The following HK1 variants were observed in gnomAD, a reference collection of about 807,000 sequenced individuals.
HK1 encodes hexokinase 1.
A neutral mutation model predicts 91.6 loss-of-function variants in HK1; 28 were observed. The ratio of observed to expected loss-of-function variants is 0.31; its 90% CI spans 0.23 to 0.42. HK1 has a LOEUF of 0.42. Among genes scored for constraint, HK1 ranks in the 10% least tolerant of loss-of-function variants. HK1 has a pLI of 1.00. For missense variants in HK1, 770 were observed against 1,219.8 expected (o/e 0.63, Z 5.49); for synonymous variants, 430 against 468.1 (o/e 0.92, Z 1.05).
At chr10:69,361,935 A>C (rs1482530236) in intron 3 of HK1, among the ~76,000 whole-genome samples, 1 of 152,068 alleles carries the variant, frequency 6.6e-6, no homozygotes, top group Non-Finnish European at 1.5e-5. Flanking sequence ...CTCCTGCCTC[A>C]GCCTCCCAAA....
rs1845701649 is a variant in HK1, at chr10:69,298,776, C to T, written c.-66-1993C>T. Among the ~76,000 whole-genome samples the T allele has an allele frequency of 3.3e-5, 5 of 151,776 alleles. 1 individual carries two copies. In the South Asian group the frequency reaches 1.0e-3, roughly 31 times the overall value. On this transcript the variant is annotated intron_variant, in intron 4 of 21. Transcript: ENST00000360289. ...GATAAAGATCTTATTAGATATAATG[C>T]CAAGTCAGTCAAAAAATTAAAAATT...
In HK1 at chr10:69,276,118, A is replaced by AAAATATATATATATAT; in HGVS notation, c.-391+6011_-391+6012insAATATATATATATATA. The stretch of plus-strand genomic sequence containing the variant: ...AAAAAAAAAAAAAAAAAAAAAAAAA[A>AAAATATATATATATAT]ATACATATATATATATATATACACA... On this transcript the variant is annotated intron_variant, in intron 1 of 21. Transcript: ENST00000360289. Among the ~76,000 whole-genome samples, 224 of 38,240 alleles carry AAAATATATATATATAT rather than the reference A, an allele frequency of 5.9e-3. 38 individuals are homozygous for AAAATATATATATATAT. The highest frequency in any genetic ancestry group is 0.011 in the South Asian group (7 of 644). The allele number at this position is 38,240 out of a possible 152,430, so 25.1% of individuals were successfully genotyped here. A position where few individuals can be genotyped will look rare whatever the true frequency, so the allele number is the denominator to read the frequency against.
intron 3 of HK1, among the ~76,000 whole-genome samples, chr10:69,293,804 T>C (rs1845406496): frequency 6.6e-6 from 1 of 151,502 alleles, no homozygotes; most frequent in African/African-American, 2.4e-5. Context: ...GTTGCAAGGG[T>C]TCCAAGAGCA....
At chr10:69,370,528 G>A (rs756703099) in intron 7 of HK1, among the ~76,000 whole-genome samples, 8 of 152,166 alleles carry the variant, frequency 5.3e-5, no homozygotes, top group Non-Finnish European at 8.8e-5. Context: ...AGGGAGATGA[G>A]TGTCCATTCA....
exon 4 of HK1, chr10:69,295,676 G>A (rs375127199): frequency 6.1e-5 from 98 of 1,595,974 alleles, no homozygotes; most frequent in Non-Finnish European, 7.1e-5. Flanking sequence ...CTTGCTGAAA[G>A]TGAGGTAAGA....
intron 1 of HK1, among the ~76,000 whole-genome samples, chr10:69,328,458 T>C (rs1351874092): frequency 2.6e-5 from 4 of 152,188 alleles, no homozygotes; most frequent in Non-Finnish European, 5.9e-5. Context: ...CCAACATTCA[T>C]TGTTGTATTC....
chr10:69,401,248 CGG>C lies in HK1; in HGVS notation c.*116_*117del, dbSNP rs2132987872. 7.6e-7 allele frequency: 1 copy of C among 1,315,688 alleles called. No individual in the cohort carries two copies. The highest frequency in any genetic ancestry group is 2.5e-5 in the East Asian group (1 of 40,046). 81.5% of individuals were successfully genotyped at this position (1,315,688 alleles called of 1,614,324 possible). On this transcript the variant is annotated 3_prime_UTR_variant, in exon 18 of 18. Coordinates refer to ENST00000359426, the MANE Select transcript of HK1 (RefSeq NM_000188.3). ...ACGCTGGCGCCAGGGCCTGCCGGCG[CGG>C]GGAGGAAAGCAAAATCCAACTAATG...
intron 2 of HK1, among the ~76,000 whole-genome samples, chr10:69,353,862 C>T (rs1251227492): frequency 2.0e-5 from 3 of 152,162 alleles, no homozygotes; most frequent in African/African-American, 7.2e-5. Flanking sequence ...GGTCTGTGAG[C>T]TGCCGTAGCA....
intron 1 of HK1, among the ~76,000 whole-genome samples, chr10:69,277,006 T>G (rs1844509563): frequency 6.6e-6 from 1 of 152,216 alleles, no homozygotes; most frequent in South Asian, 2.1e-4. Context: ...TTCATAAACT[T>G]TCACTTATTT....
At chr10:69,338,678 TGA>T (rs1236908713) in intron 1 of HK1, 22 of 1,180,002 alleles carry the variant, frequency 1.9e-5, no homozygotes, top group Admixed American at 3.2e-5. Context: ...TATGGAGATG[TGA>T]GTGTGTGTGT....
At chr10:69,305,218 G>C (rs1404561678) in intron 5 of HK1, among the ~76,000 whole-genome samples, 1 of 152,186 alleles carries the variant, frequency 6.6e-6, no homozygotes, top group Admixed American at 6.5e-5. Flanking sequence ...CAGAATAGCT[G>C]TGTCTCTTAA....
At chr10:69,322,616 T>C (rs1278154729) in intron 1 of HK1, among the ~76,000 whole-genome samples, 2 of 152,160 alleles carry the variant, frequency 1.3e-5, no homozygotes, top group East Asian at 1.9e-4. Context: ...AAAAGGCCGA[T>C]GTAGTGGCTC....
chr10:69,356,392 A>G (rs191687783), intron 2 of HK1, among the ~76,000 whole-genome samples: 71 of 152,196 alleles, frequency 4.7e-4, no homozygotes, highest in African/African-American at 1.6e-3. Context: ...TGATTGCACC[A>G]TTGTACTCCA....
chr10:69,336,025 T>A (rs779079063), intron 1 of HK1, among the ~76,000 whole-genome samples: 1 of 152,212 alleles, frequency 6.6e-6, no homozygotes, highest in Non-Finnish European at 1.5e-5. Flanking sequence ...TATGAGTGTT[T>A]GTTTAGGGAG....
At chr10:69,307,188 G>A (rs1019123527) in intron 5 of HK1, among the ~76,000 whole-genome samples, 1 of 152,060 alleles carries the variant, frequency 6.6e-6, no homozygotes, top group Non-Finnish European at 1.5e-5. Flanking sequence ...CTTTGGGAAG[G>A]GCATAGCGAG....
At chr10:69,353,122 T>G (rs1229789281) in intron 2 of HK1, among the ~76,000 whole-genome samples, 1 of 152,156 alleles carries the variant, frequency 6.6e-6, no homozygotes, top group Non-Finnish European at 1.5e-5. Context: ...GGACCCTGGA[T>G]AGCCTCAGGA....
chr10:69,397,672 A>T (rs1840202325), intron 16 of HK1, among the ~76,000 whole-genome samples: 1 of 152,224 alleles, frequency 6.6e-6, no homozygotes, highest in African/African-American at 2.4e-5. Flanking sequence ...AGGAGTAAGT[A>T]AGGTAATGTA....
At chr10:69,382,248 G>A (rs1839422172) in intron 9 of HK1, among the ~76,000 whole-genome samples, 1 of 152,128 alleles carries the variant, frequency 6.6e-6, no homozygotes, top group African/African-American at 2.4e-5. Flanking sequence ...AAAGTTAGCC[G>A]GGCGTGGCCC....
At chr10:69,315,999 G>A (rs1429760292), upstream of HK1, 3 of 1,614,184 alleles carry the variant, frequency 1.9e-6, no homozygotes, top group South Asian at 3.3e-5. Context: ...GAGGTGCTGA[G>A]GCCTGGGAGA....
Sources: gnomAD v4.1 joint callset for allele counts (sites outside exome capture counted in the v4.1 genomes callset) on GRCh38, gnomAD v4.1.1 for gene constraint, MANE v1.5 for transcripts, NCBI Gene and HGNC (gene_info 2026-07-23, HGNC 2026-07-21) for gene names.